Variants in TAS2R1 observed in about 807,000 individuals in gnomAD.
The protein encoded by TAS2R1 is taste 2 receptor member 1, also known as taste receptor type 2 member 1.
For synonymous variants in TAS2R1, 141 were observed against 134.2 expected (o/e 1.05, Z -0.35); for missense variants, 370 against 353.4 (o/e 1.05, Z -0.38).
the TAS2R1 span, among the ~76,000 whole-genome samples, chr5:9,742,898 C>CA: frequency 8.6e-5 from 13 of 150,796 alleles, no homozygotes; most frequent in East Asian, 2.5e-3. Context: ...TAAAACTGAA[C>CA]CAAAAAAAAA....
At chr5:9,777,298 T>C in the TAS2R1 span, among the ~76,000 whole-genome samples, 1 of 152,248 alleles carries the variant, frequency 6.6e-6, no homozygotes, top group Non-Finnish European at 1.5e-5. Flanking sequence ...ATCAAATAAG[T>C]TTATGCAATA....
the TAS2R1 span, among the ~76,000 whole-genome samples, chr5:9,890,366 C>G: frequency 6.6e-6 from 1 of 152,126 alleles, no homozygotes; most frequent in Non-Finnish European, 1.5e-5. Context: ...CTGATATTCC[C>G]CCTAGAACCT....
the TAS2R1 span, among the ~76,000 whole-genome samples, chr5:9,801,858 C>T: frequency 6.6e-6 from 1 of 152,180 alleles, no homozygotes; most frequent in Non-Finnish European, 1.5e-5. Flanking sequence ...TCCCCCATCC[C>T]CCACAGCAGC....
chr5:9,676,024 T>A (rs1740867889), intron 1 of TAS2R1, among the ~76,000 whole-genome samples: 1 of 152,158 alleles, frequency 6.6e-6, no homozygotes, highest in Non-Finnish European at 1.5e-5. Context: ...TGAGATAAAT[T>A]CCTTTTATTC....
chr5:9,812,958 G>T, the TAS2R1 span, among the ~76,000 whole-genome samples: 2 of 152,292 alleles, frequency 1.3e-5, no homozygotes, highest in East Asian at 1.9e-4. Flanking sequence ...ATGAGCAGAA[G>T]GAAGGGACAC....
the TAS2R1 span, among the ~76,000 whole-genome samples, chr5:9,840,695 G>C: frequency 2.0e-5 from 3 of 151,640 alleles, no homozygotes; most frequent in African/African-American, 7.3e-5. Flanking sequence ...CTGTATTTCT[G>C]TGTTTCTGAT....
At chr5:9,836,246 T>G in the TAS2R1 span, among the ~76,000 whole-genome samples, 52,399 of 151,838 alleles carry the variant, frequency 0.35, 9,248 homozygotes, top group South Asian at 0.39. Flanking sequence ...TTTGTAAATT[T>G]CCCAGTCTTG....
the TAS2R1 span, among the ~76,000 whole-genome samples, chr5:9,784,437 G>T: frequency 2.6e-5 from 4 of 152,342 alleles, no homozygotes; most frequent in East Asian, 7.7e-4. Context: ...CATGAGGCCT[G>T]AGAGTGTGCC....
chr5:9,903,213 C>T, the TAS2R1 span, among the ~76,000 whole-genome samples: 3 of 152,052 alleles, frequency 2.0e-5, 1 homozygote, highest in South Asian at 4.2e-4. Context: ...ATTAACCATC[C>T]CCACCTCTAT....
At chr5:9,671,299 A>G (rs967871530) in intron 1 of TAS2R1, among the ~76,000 whole-genome samples, 3 of 152,216 alleles carry the variant, frequency 2.0e-5, no homozygotes, top group Admixed American at 2.0e-4. Context: ...CAGAAAAATC[A>G]GGCAAGAGAA....
the TAS2R1 span, among the ~76,000 whole-genome samples, chr5:9,777,469 T>G: frequency 6.6e-6 from 1 of 152,234 alleles, no homozygotes; most frequent in African/African-American, 2.4e-5. Context: ...ATCTTCGGGC[T>G]CCACTTCGAA....
upstream of TAS2R1, among the ~76,000 whole-genome samples, chr5:9,631,692 T>A (rs1177987729): frequency 6.6e-6 from 1 of 152,250 alleles, no homozygotes; most frequent in Non-Finnish European, 1.5e-5. Context: ...TGAACGTGTG[T>A]TACTTTGTCT....
intron 1 of TAS2R1, among the ~76,000 whole-genome samples, chr5:9,661,827 A>G (rs1579772781): frequency 1.3e-5 from 2 of 152,220 alleles, no homozygotes; most frequent in Non-Finnish European, 2.9e-5. Context: ...ATGTGCACCA[A>G]TCAGGATAAG....
chr5:9,717,559 G>A, the TAS2R1 span, among the ~76,000 whole-genome samples: 1 of 152,090 alleles, frequency 6.6e-6, no homozygotes, highest in South Asian at 2.1e-4. Context: ...AACTTGGTGG[G>A]GGTGAGAAAG....
chr5:9,650,225 C>T (rs552102508), intron 2 of TAS2R1, among the ~76,000 whole-genome samples: 14 of 152,136 alleles, frequency 9.2e-5, no homozygotes, highest in Non-Finnish European at 1.6e-4. Flanking sequence ...TATAATCTTA[C>T]GTACTTGCTG....
intron 2 of TAS2R1, among the ~76,000 whole-genome samples, chr5:9,645,406 T>C (rs1740167363): frequency 6.6e-6 from 1 of 152,156 alleles, no homozygotes; most frequent in South Asian, 2.1e-4. Flanking sequence ...GCGTCCTATG[T>C]TAATACCCAC....
At chr5:9,639,018 AGCATGGCTTTC>A (rs1457250215) in intron 2 of TAS2R1, among the ~76,000 whole-genome samples, 1 of 152,152 alleles carries the variant, frequency 6.6e-6, no homozygotes, top group Non-Finnish European at 1.5e-5. Flanking sequence ...TGGGAAAGCA[AGCATGGCTTTC>A]AGACCTAGCC....
chr5:9,736,256 C>T, the TAS2R1 span, among the ~76,000 whole-genome samples: 3 of 152,178 alleles, frequency 2.0e-5, no homozygotes, highest in Non-Finnish European at 2.9e-5. Context: ...TCTTCTCAGC[C>T]TTTTAGCTTT....
At chr5:9,786,999 G>C in the TAS2R1 span, among the ~76,000 whole-genome samples, 1 of 152,056 alleles carries the variant, frequency 6.6e-6, no homozygotes, top group African/African-American at 2.4e-5. Context: ...CATCTAAGTG[G>C]TCTATTTGGA....
Sources: gnomAD v4.1 joint callset for allele counts (sites outside exome capture counted in the v4.1 genomes callset) on GRCh38, gnomAD v4.1.1 for gene constraint, MANE v1.5 for transcripts, NCBI Gene and HGNC (gene_info 2026-07-23, HGNC 2026-07-21) for gene names.